Variants in SUMF1 observed in about 807,000 individuals in gnomAD.
SUMF1 encodes sulfatase modifying factor 1.
In SUMF1, 48 loss-of-function variants were observed where a neutral mutation model predicts 47.6. The observed-to-expected ratio is 1.01, with a 90% CI of 0.80 to 1.28. The LOEUF (loss-of-function observed/expected upper bound fraction) is 1.28, where lower values mean the gene tolerates loss of function less well. SUMF1 is among the 50% of genes most tolerant of loss of function. The pLI is 0.00. For synonymous variants in SUMF1, 230 were observed against 192.1 expected (o/e 1.20, Z -1.63); for missense variants, 571 against 485.4 (o/e 1.18, Z -1.66).
At chr3:4,053,415 GAC>G (rs1695145571) in intron 9 of SUMF1, among the ~76,000 whole-genome samples, 1 of 152,128 alleles carries the variant, frequency 6.6e-6, no homozygotes, top group African/African-American at 2.4e-5. Context: ...ATTTGAAACA[GAC>G]ACAAAGTGAG....
chr3:4,185,545 T>TTC (rs777330692), intron 8 of SUMF1, among the ~76,000 whole-genome samples: 3 of 152,178 alleles, frequency 2.0e-5, no homozygotes, highest in Non-Finnish European at 2.9e-5. Flanking sequence ...ACAGAAATGT[T>TTC]TCCTTTCTCT....
intron 8 of SUMF1, among the ~76,000 whole-genome samples, chr3:4,168,918 T>C (rs958082261): frequency 2.0e-5 from 3 of 152,194 alleles, no homozygotes; most frequent in Non-Finnish European, 4.4e-5. Flanking sequence ...ATTGAGCACA[T>C]GCTATATTCA....
chr3:4,079,692 A>G (rs1692516623), intron 8 of SUMF1, among the ~76,000 whole-genome samples: 1 of 145,956 alleles, frequency 6.9e-6, no homozygotes, highest in Non-Finnish European at 1.5e-5. Context: ...TGGAATATCT[A>G]GTATGCCCTA....
At chr3:4,085,996 C>G (rs563814854) in intron 8 of SUMF1, among the ~76,000 whole-genome samples, 52 of 152,032 alleles carry the variant, frequency 3.4e-4, no homozygotes, top group African/African-American at 1.3e-3. Flanking sequence ...TGAAGTGAAA[C>G]TCAGTCCTGA....
At chr3:4,403,227 C>A (rs572268452) in intron 7 of SUMF1, among the ~76,000 whole-genome samples, 3 of 152,198 alleles carry the variant, frequency 2.0e-5, no homozygotes, top group African/African-American at 7.2e-5. Context: ...CAGGGTCACA[C>A]ATCTGGGAAG....
At chr3:4,302,110 A>G (rs1399584703) in intron 8 of SUMF1, among the ~76,000 whole-genome samples, 4 of 152,228 alleles carry the variant, frequency 2.6e-5, no homozygotes, top group Non-Finnish European at 5.9e-5. Context: ...TGTGAACCCA[A>G]AATTATCTGA....
At chr3:4,312,988 C>T (rs1039161120) in intron 8 of SUMF1, 5 of 1,613,940 alleles carry the variant, frequency 3.1e-6, no homozygotes, top group African/African-American at 1.3e-5. Flanking sequence ...AACTCCCTGC[C>T]TCCCTGGCAC....
At chr3:4,305,881 A>G (rs974453130) in intron 8 of SUMF1, among the ~76,000 whole-genome samples, 1 of 152,220 alleles carries the variant, frequency 6.6e-6, no homozygotes, top group Non-Finnish European at 1.5e-5. Context: ...TTGGCAATTT[A>G]TAGTTAATAA....
At chr3:4,241,805 T>A (rs1377008258) in intron 8 of SUMF1, among the ~76,000 whole-genome samples, 3 of 152,096 alleles carry the variant, frequency 2.0e-5, no homozygotes, top group African/African-American at 7.2e-5. Context: ...AAATGGGACT[T>A]CCGGCCCACA....
chr3:4,330,530 G>C (rs113025869), intron 8 of SUMF1, among the ~76,000 whole-genome samples: 12 of 152,112 alleles, frequency 7.9e-5, no homozygotes, highest in Non-Finnish European at 1.5e-4. Flanking sequence ...CTTATTCATT[G>C]CCACAAGAAC....
chr3:4,060,611 T>C (rs1021272424), intron 9 of SUMF1, among the ~76,000 whole-genome samples: 1 of 152,176 alleles, frequency 6.6e-6, no homozygotes, highest in Non-Finnish European at 1.5e-5. Flanking sequence ...GATGTATGAT[T>C]ATTAACACTA....
chr3:4,242,524 A>T (rs1467348180), intron 8 of SUMF1, among the ~76,000 whole-genome samples: 1 of 152,208 alleles, frequency 6.6e-6, no homozygotes, highest in Non-Finnish European at 1.5e-5. Context: ...GCATCTATTG[A>T]GATAATCATG....
intron 8 of SUMF1, among the ~76,000 whole-genome samples, chr3:4,168,134 C>T (rs1694753324): frequency 6.6e-6 from 1 of 152,104 alleles, no homozygotes. Flanking sequence ...TCCCTTCAAT[C>T]AGAACTAGAT....
chr3:4,247,914 T>C (rs1696705455), intron 8 of SUMF1, among the ~76,000 whole-genome samples: 1 of 152,224 alleles, frequency 6.6e-6, no homozygotes, highest in African/African-American at 2.4e-5. Context: ...GATAGTCCCT[T>C]GATCTCTCTG....
chr3:4,147,145 C>G (rs1213113108), intron 8 of SUMF1, among the ~76,000 whole-genome samples: 2 of 152,068 alleles, frequency 1.3e-5, no homozygotes, highest in African/African-American at 4.8e-5. Flanking sequence ...GAATGGCGAT[C>G]ATTAAAAAGT....
intron 8 of SUMF1, among the ~76,000 whole-genome samples, chr3:4,129,449 T>C (rs1017640621): frequency 6.6e-6 from 1 of 152,092 alleles, no homozygotes; most frequent in Admixed American, 6.6e-5. Flanking sequence ...AGAAAACTTC[T>C]AGATCAAATG....
intron 8 of SUMF1, among the ~76,000 whole-genome samples, chr3:4,186,273 C>G (rs1328797931): frequency 1.3e-5 from 2 of 152,102 alleles, no homozygotes; most frequent in Non-Finnish European, 1.5e-5. Context: ...CCAACACCCC[C>G]AAATTGGGCA....
chr3:4,318,133 A>G lies in SUMF1; in HGVS notation c.1014+58197T>C, dbSNP rs1698733694. On this transcript the variant is annotated intron_variant and NMD_transcript_variant, in intron 8 of 12. Coordinates refer to the SUMF1 transcript ENST00000448413. ...ATGAGTTAAAGAAGACATGGATACC[A>G]TAACCAAAGACATTACTAGGAAAGA... is the stretch of plus-strand genomic sequence containing the variant. Among the ~76,000 whole-genome samples the G allele has an allele frequency of 2.0e-5, 3 of 152,174 alleles. No homozygotes were observed. The South Asian group carries it at 6.2e-4, about 31-fold the overall frequency.
chr3:4,061,406 C>T (rs1014660128), intron 9 of SUMF1, among the ~76,000 whole-genome samples: 4 of 152,114 alleles, frequency 2.6e-5, no homozygotes, highest in African/African-American at 7.2e-5. Context: ...TAACTGACTC[C>T]CTGCTTCCTG....
Sources: allele counts gnomAD v4.1 joint callset (sites outside exome capture counted in the v4.1 genomes callset), GRCh38; gene constraint gnomAD v4.1.1; transcripts MANE v1.5; gene names NCBI Gene and HGNC (gene_info 2026-07-23, HGNC 2026-07-21).